The following NR3C2 variants were observed in gnomAD, a reference collection of about 807,000 sequenced individuals.
The protein encoded by NR3C2 is mineralocorticoid receptor.
NR3C2 carries 15 observed loss-of-function variants against 86.4 expected under a neutral mutation model. That is an observed-to-expected ratio of 0.17 (90% CI 0.12 to 0.27). NR3C2 has a LOEUF of 0.27. Ranked by LOEUF, NR3C2 falls within the 10% of genes least tolerant of loss-of-function variation. The pLI is 1.00. For missense variants in NR3C2, 960 were observed against 1,195.6 expected (o/e 0.80, Z 2.91); for synonymous variants, 458 against 450.5 (o/e 1.02, Z -0.21).
intron 6 of NR3C2, among the ~76,000 whole-genome samples, chr4:148,132,727 T>G (rs1028197209): frequency 1.3e-5 from 2 of 152,200 alleles, no homozygotes; most frequent in African/African-American, 2.4e-5. Flanking sequence ...CAAACCTCAC[T>G]GAAAACAGCA....
At chr4:148,342,593 A>AG (rs1744800048) in intron 2 of NR3C2, among the ~76,000 whole-genome samples, 2 of 152,262 alleles carry the variant, frequency 1.3e-5, no homozygotes, top group Admixed American at 1.3e-4. Context: ...AGCTAAGCTG[A>AG]GCTTTCACTA....
At chr4:148,092,560 C>T (rs770228611) in intron 8 of NR3C2, among the ~76,000 whole-genome samples, 19 of 152,204 alleles carry the variant, frequency 1.2e-4, no homozygotes, top group Non-Finnish European at 2.2e-4. Context: ...GGGAATGACT[C>T]ATTTCAACAG....
chr4:148,444,325 G>A, upstream of NR3C2: 6 of 985,428 alleles, frequency 6.1e-6, no homozygotes, highest in Non-Finnish European at 7.2e-6. Context: ...AGGGGCAGCC[G>A]CCGCGATCAC....
At chr4:148,190,637 C>T (rs1482762324) in intron 4 of NR3C2, among the ~76,000 whole-genome samples, 1 of 152,140 alleles carries the variant, frequency 6.6e-6, no homozygotes, top group Non-Finnish European at 1.5e-5. Context: ...GGAGTATTGA[C>T]GTCTCCCACT....
intron 2 of NR3C2, among the ~76,000 whole-genome samples, chr4:148,423,049 T>C (rs1749357396): frequency 6.6e-6 from 1 of 152,078 alleles, no homozygotes; most frequent in Middle Eastern, 3.2e-3. Context: ...TATTCAATGA[T>C]TTCTTCCTTT....
chr4:148,173,341 T>C (rs1735222082), intron 4 of NR3C2, among the ~76,000 whole-genome samples: 1 of 152,234 alleles, frequency 6.6e-6, no homozygotes, highest in Admixed American at 6.5e-5. Context: ...TTATCCTGAA[T>C]TGTCTGGGTG....
intron 8 of NR3C2, 76 bp downstream of exon 8, chr4:148,114,028 C>T (rs1010858867): frequency 6.4e-7 from 1 of 1,561,596 alleles, no homozygotes; most frequent in Non-Finnish European, 8.8e-7. Context: ...AACTCTCAGT[C>T]TCTGTTTCCT....
intron 2 of NR3C2, among the ~76,000 whole-genome samples, chr4:148,417,209 T>C (rs1362216337): frequency 6.6e-6 from 1 of 152,216 alleles, no homozygotes; most frequent in Non-Finnish European, 1.5e-5. Context: ...ACTCATCATT[T>C]CCCAAATTTT....
At chr4:148,123,595 C>T (rs1280697910) in intron 6 of NR3C2, among the ~76,000 whole-genome samples, 1 of 152,198 alleles carries the variant, frequency 6.6e-6, no homozygotes, top group Admixed American at 6.5e-5. Context: ...TGTGATGCCA[C>T]CCCCAGTGGC....
intron 2 of NR3C2, among the ~76,000 whole-genome samples, chr4:148,340,960 C>T (rs1459098895): frequency 6.8e-6 from 1 of 147,448 alleles, no homozygotes; most frequent in Non-Finnish European, 1.5e-5. Flanking sequence ...ATCAAAAAGA[C>T]AAAAAAAAAT....
chr4:148,364,142 T>C (rs183487328), intron 2 of NR3C2, among the ~76,000 whole-genome samples: 33 of 152,318 alleles, frequency 2.2e-4, no homozygotes, highest in Middle Eastern at 3.4e-3. Context: ...TAATGAAAAC[T>C]ACATTTTTGT....
chr4:148,228,269 T>A (rs149009739), intron 3 of NR3C2, among the ~76,000 whole-genome samples: 1,156 of 68,822 alleles, frequency 0.017, 10 homozygotes, highest in African/African-American at 0.037. Flanking sequence ...CATGAATAGT[T>A]GCATTATTTA....
At chr4:148,304,749 G>A (rs4560389) in intron 2 of NR3C2, among the ~76,000 whole-genome samples, 72,451 of 151,922 alleles carry the variant, frequency 0.48, 18,258 homozygotes, top group Middle Eastern at 0.61. Context: ...GCCTGCAGCT[G>A]ACTGGGGGCC....
At chr4:148,158,275 CA>C (rs780103090) in intron 4 of NR3C2, among the ~76,000 whole-genome samples, 3 of 152,142 alleles carry the variant, frequency 2.0e-5, no homozygotes, top group Non-Finnish European at 4.4e-5. Flanking sequence ...ACAAAGCACC[CA>C]GGTAATCTAA....
chr4:148,092,936 C>T (rs896611010), intron 8 of NR3C2, among the ~76,000 whole-genome samples: 1 of 152,206 alleles, frequency 6.6e-6, no homozygotes, highest in African/African-American at 2.4e-5. Context: ...GGCCTGCTGT[C>T]TCAATGCTGA....
intron 8 of NR3C2, among the ~76,000 whole-genome samples, chr4:148,102,872 G>A (rs1189782191): frequency 6.6e-6 from 1 of 152,050 alleles, no homozygotes; most frequent in Admixed American, 6.5e-5. Context: ...AATGTAAAGA[G>A]CCCCACACGA....
chr4:148,118,525 G>A (rs1368421577), intron 7 of NR3C2, among the ~76,000 whole-genome samples: 1 of 151,982 alleles, frequency 6.6e-6, no homozygotes, highest in African/African-American at 2.4e-5. Context: ...ACTCACCATT[G>A]GAATTATACT....
At chr4:148,254,922 T>C (rs1739754496) in intron 3 of NR3C2, among the ~76,000 whole-genome samples, 2 of 152,180 alleles carry the variant, frequency 1.3e-5, no homozygotes, top group East Asian at 1.9e-4. Flanking sequence ...CATTAAATTA[T>C]TCCCCCTACT....
rs1285565205 is a variant in NR3C2 at position 148,079,198 on chromosome 4, CA to C, written c.*2145del. 1 of 152,218 alleles carries C rather than the reference CA, an allele frequency of 6.6e-6. No individual in the cohort carries two copies. Among genetic ancestry groups the C allele is most frequent in the Non-Finnish European group, 1.5e-5 (1 of 68,044 alleles). 9.4% of individuals were successfully genotyped at this position (152,218 alleles called of 1,614,324 possible). ...AAGCCATTTGTTTGCTAGCAACTCCCAGTCTGCATGCTGTGTATTTATTACC... is the reference window on the plus strand; with the variant it reads ...AAGCCATTTGTTTGCTAGCAACTCCCGTCTGCATGCTGTGTATTTATTACC... On this transcript the variant is annotated 3_prime_UTR_variant, in exon 9 of 9. Transcript: ENST00000358102.
Sources: allele counts gnomAD v4.1 joint callset (sites outside exome capture counted in the v4.1 genomes callset), GRCh38; gene constraint gnomAD v4.1.1; transcripts MANE v1.5; gene names NCBI Gene and HGNC (gene_info 2026-07-23, HGNC 2026-07-21).